MACROD2: variants seen among roughly 807,000 people sequenced by gnomAD.
MACROD2 encodes the protein ADP-ribose glycohydrolase MACROD2.
Under a neutral mutation model 70.4 loss-of-function variants are expected in MACROD2, and 36 were observed. That is an observed-to-expected ratio of 0.51 (90% CI 0.39 to 0.68). The LOEUF (loss-of-function observed/expected upper bound fraction) is 0.68. Ranked by LOEUF, MACROD2 falls within the 30% of genes least tolerant of loss-of-function variation. The pLI, the probability that MACROD2 is intolerant of heterozygous loss-of-function variation, is 0.00. For missense variants in MACROD2, 496 were observed against 538.4 expected (o/e 0.92, Z 0.78); for synonymous variants, 172 against 178.8 (o/e 0.96, Z 0.30).
At chr20:14,273,341 C>T (rs1324707295) in intron 3 of MACROD2, among the ~76,000 whole-genome samples, 4 of 151,588 alleles carry the variant, frequency 2.6e-5, no homozygotes, top group Non-Finnish European at 5.9e-5. Context: ...TTAAGAAACT[C>T]ACTCAAAACT....
chr20:15,016,014 AT>A lies in MACROD2; in HGVS notation c.419-213921del, dbSNP rs563344090. Among the ~76,000 whole-genome samples, 3 of 152,176 alleles carry A rather than the reference AT, an allele frequency of 2.0e-5. No individual in the cohort carries two copies. In the South Asian group the frequency reaches 6.2e-4, roughly 32 times the overall value. On this transcript the variant is annotated intron_variant, in intron 5 of 17. Transcript: ENST00000684519. ...AAACAAACCCTGACTCAGCCTTCTC[AT>A]TTTTCCACATAAGTACACTGAATTC...
intron 4 of MACROD2, among the ~76,000 whole-genome samples, chr20:14,589,138 G>A (rs531665668): frequency 2.4e-4 from 37 of 152,110 alleles, no homozygotes; most frequent in African/African-American, 7.9e-4. Flanking sequence ...TGAAAATAAT[G>A]CATTTCAGGA....
chr20:14,123,625 G>A (rs1243178062), intron 3 of MACROD2, among the ~76,000 whole-genome samples: 2 of 152,158 alleles, frequency 1.3e-5, no homozygotes, highest in East Asian at 3.9e-4. Context: ...GTGGGCTTTA[G>A]AAAATCAAAT....
chr20:16,000,616 A>G (rs2066696601), intron 15 of MACROD2, among the ~76,000 whole-genome samples: 1 of 152,208 alleles, frequency 6.6e-6, no homozygotes, highest in Non-Finnish European at 1.5e-5. Flanking sequence ...GTTTTCTGCC[A>G]CTGTACGTAG....
intron 13 of MACROD2, among the ~76,000 whole-genome samples, chr20:15,982,690 A>C (rs1162489620): frequency 6.6e-6 from 1 of 152,192 alleles, no homozygotes; most frequent in Non-Finnish European, 1.5e-5. Flanking sequence ...TGGCGGGGTT[A>C]GGGTGTTGCA....
chr20:14,815,405 C>T lies in MACROD2; in HGVS notation c.418+130446C>T, dbSNP rs17350058. On this transcript the variant is annotated intron_variant, in intron 5 of 17. Transcript: ENST00000684519. ...ATAAATAGGTTTTCATATCTGGTTT[C>T]CTGCATTACCAAATGACATTGAAGT... 3.3e-3 allele frequency among the ~76,000 whole-genome samples: 505 copies of T among 152,072 alleles called. 5 individuals are homozygous for T. The highest frequency in any genetic ancestry group is 6.2e-3 in the Non-Finnish European group (424 of 67,930).
chr20:15,534,668 C>A (rs2047849937), intron 8 of MACROD2, among the ~76,000 whole-genome samples: 1 of 152,068 alleles, frequency 6.6e-6, no homozygotes, highest in African/African-American at 2.4e-5. Context: ...CAGTTCAACC[C>A]CCAATATACA....
chr20:15,642,597 AACACACACACACACACACACACACAC>A lies in MACROD2; in HGVS notation c.645+142769_645+142794del, dbSNP rs56698663. On this transcript the variant is annotated intron_variant, in intron 8 of 17. Coordinates refer to ENST00000684519, the MANE Select transcript of MACROD2 (RefSeq NM_001351661.2). ...AGTAGGGAACTGTGTACCTGTCATG[AACACACACACACACACACACACACAC>A]ACACACACACACACACACGTGTGCA... Among the ~76,000 whole-genome samples the A allele has an allele frequency of 2.0e-5, 3 of 146,998 alleles. No individual in the cohort carries two copies. The East Asian group carries it at 6.1e-4, about 30-fold the overall frequency.
At chr20:14,078,295 C>G (rs540557656) in intron 2 of MACROD2, among the ~76,000 whole-genome samples, 11 of 152,296 alleles carry the variant, frequency 7.2e-5, no homozygotes, top group African/African-American at 2.6e-4. Context: ...ATGTCATCTC[C>G]TTTTAAGAGA....
At chr20:14,524,272 A>C (rs1229413009) in intron 4 of MACROD2, among the ~76,000 whole-genome samples, 3 of 152,186 alleles carry the variant, frequency 2.0e-5, no homozygotes, top group African/African-American at 7.2e-5. Context: ...TCTTCTTTAA[A>C]GTAGTCTTTC....
At chr20:14,164,078 C>A (rs977510737) in intron 3 of MACROD2, among the ~76,000 whole-genome samples, 4 of 151,314 alleles carry the variant, frequency 2.6e-5, no homozygotes, top group Non-Finnish European at 4.4e-5. Context: ...CTTCTTTCAA[C>A]TTTTTTGAGT....
At chr20:15,987,343 C>T (rs1014833137) in intron 15 of MACROD2, among the ~76,000 whole-genome samples, 185 bp downstream of exon 15, 2 of 152,036 alleles carry the variant, frequency 1.3e-5, no homozygotes, top group African/African-American at 2.4e-5. Context: ...AGAAAATACT[C>T]GGAAGACTTA....
intron 15 of MACROD2, 118 bp from the exon 16 acceptor site, chr20:16,041,083 G>T (rs547230365): frequency 8.4e-6 from 7 of 835,186 alleles, no homozygotes; most frequent in South Asian, 8.1e-5. Context: ...TGCAAAAGAA[G>T]TTGAATCCCA....
intron 5 of MACROD2, among the ~76,000 whole-genome samples, chr20:14,751,019 C>T (rs1008585301): frequency 6.6e-6 from 1 of 151,954 alleles, no homozygotes; most frequent in Non-Finnish European, 1.5e-5. Flanking sequence ...ATAATAAGAT[C>T]TTATATTATT....
intron 3 of MACROD2, among the ~76,000 whole-genome samples, chr20:14,130,032 T>C (rs1379203317): frequency 6.6e-6 from 1 of 152,176 alleles, no homozygotes; most frequent in Non-Finnish European, 1.5e-5. Context: ...ATGCCTGTAA[T>C]TCGGTGTTCA....
intron 3 of MACROD2, among the ~76,000 whole-genome samples, chr20:14,173,612 C>T (rs1434166151): frequency 6.6e-6 from 1 of 152,140 alleles, no homozygotes; most frequent in Non-Finnish European, 1.5e-5. Flanking sequence ...AATTCTTTTT[C>T]TGGCAATTCA....
chr20:15,180,882 C>G (rs935943671), intron 5 of MACROD2, among the ~76,000 whole-genome samples: 1 of 152,212 alleles, frequency 6.6e-6, no homozygotes, highest in Non-Finnish European at 1.5e-5. Context: ...TCATCATGTT[C>G]TAAGTGCAAT....
chr20:14,285,273 T>G (rs911538895), intron 3 of MACROD2, among the ~76,000 whole-genome samples: 4 of 152,206 alleles, frequency 2.6e-5, no homozygotes, highest in African/African-American at 9.6e-5. Context: ...TATACATACT[T>G]TGTAACCATA....
At chr20:14,524,032 CA>C (rs2085200705) in intron 4 of MACROD2, among the ~76,000 whole-genome samples, 1 of 152,142 alleles carries the variant, frequency 6.6e-6, no homozygotes, top group African/African-American at 2.4e-5. Flanking sequence ...AAAATGTCCT[CA>C]GTCCTTTAAG....
Sources: gnomAD v4.1 joint callset for allele counts (sites outside exome capture counted in the v4.1 genomes callset) on GRCh38, gnomAD v4.1.1 for gene constraint, MANE v1.5 for transcripts, NCBI Gene and HGNC (gene_info 2026-07-23, HGNC 2026-07-21) for gene names.